The following NDOR1 variants were observed in gnomAD, a reference collection of about 807,000 sequenced individuals.
NDOR1 encodes the protein NADPH dependent diflavin oxidoreductase 1.
NDOR1 carries 61 observed loss-of-function variants against 67.2 expected under a neutral mutation model. That is an observed-to-expected ratio of 0.91 (90% CI 0.74 to 1.12). NDOR1 has a LOEUF of 1.12. Ranked by LOEUF, NDOR1 falls within the 50% of genes most tolerant of loss-of-function variation. NDOR1 has a pLI of 0.00. For missense variants in NDOR1, 878 were observed against 802.8 expected (o/e 1.09, Z -1.13); for synonymous variants, 378 against 343.7 (o/e 1.10, Z -1.10).
At position 137,215,722 on chromosome 9, in the gene NDOR1, C is replaced by T; in HGVS notation, c.1352C>T (p.Thr451Ile). 2 of 1,601,882 alleles carry T rather than the reference C, an allele frequency of 1.2e-6. No individual in the cohort carries two copies. The highest frequency in any genetic ancestry group is 2.2e-5 in the South Asian group (2 of 89,648). The change falls in exon 11 of 14, where the codon ACA (threonine) becomes ATA (isoleucine). Residue 451 changes from threonine to isoleucine, a missense_variant. By Grantham distance (89) the Thr-to-Ile change is moderately conservative. Transcript: ENST00000684003. ...CTGGCCTTCCCAGAGACACCAGACA[C>T]ACCTGTGATCATGGTGGGGCCTGGC... is the stretch of plus-strand genomic sequence containing the variant. The part of the protein sequence containing the change: ...GSLAFPETPD[T>I]PVIMVGPGTG...
rs1242531728 is a variant in NDOR1, at chr9:137,213,876, G to A, written c.408G>A (p.Leu136=). Residue 136 remains leucine, a splice_region_variant and synonymous_variant, in exon 4 of 14, where the codon CTG becomes CTA. Coordinates refer to ENST00000684003, the MANE Select transcript of NDOR1 (RefSeq NM_014434.4). ...GCCTGGGCGATGACCAGCATGAGCT[G>A]GGGTGAGTCTGCGGGCGTGGTACCC... ...PVCLGDDQHE[L]GPDAAVDPWL... is the part of the protein sequence containing the mutation. 1 of 1,609,896 alleles carries A rather than the reference G, an allele frequency of 6.2e-7. No individual in the cohort carries two copies. The highest frequency in any genetic ancestry group is 8.5e-7 in the Non-Finnish European group (1 of 1,178,584).
intron 13 of NDOR1, 25 bp from the exon 14 acceptor site, chr9:137,216,247 C>T (rs765008381): frequency 8.1e-6 from 13 of 1,612,812 alleles, no homozygotes; most frequent in South Asian, 2.2e-5. Context: ...GGCCTCATTG[C>T]GCCTTCTGCG....
intron 2 of NDOR1, among the ~76,000 whole-genome samples, chr9:137,210,622 C>T (rs978982087): frequency 3.9e-5 from 6 of 152,296 alleles, no homozygotes; most frequent in Non-Finnish European, 5.9e-5. Flanking sequence ...GTGGGAGGAT[C>T]GCTTGAGCCC....
Position 137,205,839 on chromosome 9 carries a change from C to T in NDOR1, c.62C>T (p.Ser21Leu), listed in dbSNP as rs1564390452. 6 of 1,604,734 alleles carry T rather than the reference C, an allele frequency of 3.7e-6. No homozygotes were observed. The highest frequency in any genetic ancestry group is 5.1e-6 in the Non-Finnish European group (6 of 1,179,402). ...CAGACAGGCACGGCTCAGGATGTGTCGGAGAGACTGGGTCGCGAGGCCCGG... is the reference window on the plus strand; with the variant it reads ...CAGACAGGCACGGCTCAGGATGTGTTGGAGAGACTGGGTCGCGAGGCCCGG... ...GSQTGTAQDV[S>L]ERLGREARRR... is the part of the protein sequence containing the mutation. Residue 21 changes from serine to leucine, a missense_variant, in exon 1 of 14, where the codon TCG becomes TTG. Coordinates refer to ENST00000684003, the MANE Select transcript of NDOR1 (RefSeq NM_014434.4).
In NDOR1 at chr9:137,209,025, C is replaced by T. The variant is rs569614676; in HGVS notation, c.213+2716C>T. Among the ~76,000 whole-genome samples the T allele has an allele frequency of 1.5e-3, 222 of 152,172 alleles. 1 individual carries two copies. Among genetic ancestry groups the T allele is most frequent in the African/African-American group, 5.2e-3 (215 of 41,554 alleles). The stretch of plus-strand genomic sequence containing the variant: ...CCTCCCAAGTAGATGGGACTACAGG[C>T]GCCGCCACCACGCCCAGCTAATTTT... On this transcript the variant is annotated intron_variant, in intron 2 of 13. Coordinates refer to ENST00000684003, the MANE Select transcript of NDOR1 (RefSeq NM_014434.4).
In NDOR1 at chr9:137,217,905, T is replaced by G. The variant is rs944400520; in HGVS notation, c.*1489T>G. On this transcript the variant is annotated 3_prime_UTR_variant, in exon 14 of 14. Transcript: ENST00000684003. ...CTGGGCCCTGAGTGCCTGGACCCTC[T>G]GTGCCAAGCACCAGCAAGCAAAGGG... 4.0e-5 allele frequency: 16 copies of G among 398,346 alleles called. No homozygotes were observed. Among genetic ancestry groups the G allele is most frequent in the African/African-American group, 3.3e-4 (16 of 48,678 alleles). The allele number at this position is 398,346 out of a possible 1,614,324, so 24.7% of individuals were successfully genotyped here.
At chr9:137,209,707 G>C (rs1835156531) in intron 2 of NDOR1, among the ~76,000 whole-genome samples, 1 of 152,206 alleles carries the variant, frequency 6.6e-6, no homozygotes, top group Non-Finnish European at 1.5e-5. Context: ...GGATGCTGTA[G>C]GTGAGGCAGG....
chr9:137,217,949 C>G lies in NDOR1; in HGVS notation c.*1533C>G. The G allele has an allele frequency of 2.5e-6, 1 of 398,684 alleles. No individual in the cohort carries two copies. The highest frequency in any genetic ancestry group is 1.3e-4 in the South Asian group (1 of 7,852). 24.7% of individuals were successfully genotyped at this position (398,684 alleles called of 1,614,324 possible). ...CAAAGGGGATGACCTTGGGCACCCC[C>G]AAGGTGCTGAGACTACAGCCAGTGA... On this transcript the variant is annotated 3_prime_UTR_variant, in exon 14 of 14. Transcript: ENST00000684003.
Position 137,212,592 on chromosome 9 carries a change from T to C in NDOR1, c.304T>C (p.Tyr102His), listed in dbSNP as rs550349376. ...FAVLGLGDSS[Y>H]AKFNFVAKKL... is the part of the protein sequence containing the mutation. Reference sequence around the variant, plus strand: ...CGTCCTGGGCCTCGGGGACTCCTCATACGCCAAGTGAGTAGGGGATGGGAC... The same window carrying C: ...CGTCCTGGGCCTCGGGGACTCCTCACACGCCAAGTGAGTAGGGGATGGGAC... The change falls in exon 3 of 14, where the codon TAC becomes CAC. Residue 102 changes from tyrosine to histidine, a missense_variant. Physicochemically the swap from Tyr to His is moderately conservative, Grantham distance 83. Coordinates refer to ENST00000684003, the MANE Select transcript of NDOR1 (RefSeq NM_014434.4). This position sits in a 1 kb window ranked among gnomAD's most constrained non-coding sequence, Gnocchi z 4.3. The C allele has an allele frequency of 9.9e-6, 16 of 1,613,254 alleles. No individual in the cohort carries two copies. Among genetic ancestry groups the C allele is most frequent in the Middle Eastern group, 1.7e-4 (1 of 6,060 alleles).
At position 137,216,396 on chromosome 9, in the gene NDOR1, C is replaced by T. The variant is rs886423449; in HGVS notation, c.1774C>T (p.Gln592Ter). ...CAGGCTCCAGCAGACACGGCGCTTC[C>T]AGACAGAGACGTGGGCCTGAGGCCC... Reference protein sequence around the residue: ...LARLQQTRRFQTETWA With the variant: ...LARLQQTRRF The change falls in exon 14 of 14, where the codon CAG (glutamine) becomes TAG (stop). Residue 592 changes from glutamine to a stop codon, truncating the protein, a stop_gained. Transcript: ENST00000684003. LOFTEE classifies it high-confidence loss of function. The T allele has an allele frequency of 2.5e-6, 4 of 1,605,130 alleles. No homozygotes were observed. The highest frequency in any genetic ancestry group is 1.7e-5 in the Admixed American group (1 of 59,998).
Position 137,214,291 on chromosome 9 carries a change from G to A in NDOR1, c.600G>A (p.Gln200=), listed in dbSNP as rs769390143. ...EGQRVAHPGS[Q]EPPSESKPFL... ...AGCGGGTAGCTCACCCCGGCTCTCA[G>A]GAGCCCCCGTCAGAGTCGAAGCCCT... Residue 200 remains glutamine (Q), a synonymous_variant, in exon 6 of 14, where the codon CAG becomes CAA. Coordinates refer to ENST00000684003, the MANE Select transcript of NDOR1 (RefSeq NM_014434.4). 60 of 1,613,840 alleles carry A rather than the reference G, an allele frequency of 3.7e-5. No homozygotes were observed. The highest frequency in any genetic ancestry group is 6.7e-5 in the African/African-American group (5 of 74,926).
In NDOR1 at chr9:137,212,177, G is replaced by T. The variant is rs1835292674; in HGVS notation, c.214-325G>T. The stretch of plus-strand genomic sequence containing the variant: ...CAGTTTGGAGACCAAGTGCAGAGCT[G>T]CTCCTGGCAGCTCAGAGCCTGGGGC... On this transcript the variant is annotated intron_variant, in intron 2 of 13. Transcript: ENST00000684003. The surrounding 1 kb of genome is among the most constrained non-coding windows in gnomAD (Gnocchi z 4.3). Among the ~76,000 whole-genome samples the T allele has an allele frequency of 6.6e-6, 1 of 152,060 alleles. No homozygotes were observed. Among genetic ancestry groups the T allele is most frequent in the Non-Finnish European group, 1.5e-5 (1 of 67,996 alleles).
At chr9:137,209,389 GGGAGA>G (rs1277467284) in intron 2 of NDOR1, among the ~76,000 whole-genome samples, 1 of 152,198 alleles carries the variant, frequency 6.6e-6, no homozygotes, top group Non-Finnish European at 1.5e-5. Flanking sequence ...CCCAGAGCAT[GGGAGA>G]GGAGAGGGAC....
chr9:137,216,505 C>CATCCTCTCGGACCAGCCAGCTG lies in NDOR1; in HGVS notation c.*90_*111dup, dbSNP rs1264417263. 1 of 1,490,560 alleles carries CATCCTCTCGGACCAGCCAGCTG rather than the reference C, an allele frequency of 6.7e-7. No homozygotes were observed. Among genetic ancestry groups the CATCCTCTCGGACCAGCCAGCTG allele is most frequent in the Non-Finnish European group, 8.9e-7 (1 of 1,119,600 alleles). 92.3% of individuals were successfully genotyped at this position (1,490,560 alleles called of 1,614,324 possible). ...GAGGGAGCTCCTGGCCAGCAGCCGT[C>CATCCTCTCGGACCAGCCAGCTG]ATCCTCTCGGACCAGCCAGCTGGTC... On this transcript the variant is annotated 3_prime_UTR_variant, in exon 14 of 14. Transcript: ENST00000684003.
chr9:137,213,857 G>A lies in NDOR1; in HGVS notation c.389G>A (p.Gly130Asp). The change falls in exon 4 of 14, where the codon GGC (glycine) becomes GAC (aspartate). Residue 130 changes from glycine (G) to aspartate (D), a missense_variant. Transcript: ENST00000684003. The stretch of plus-strand genomic sequence containing the variant: ...AGCGCCCTCCTGCCCGTGTGCCTGG[G>A]CGATGACCAGCATGAGCTGGGGTGA... Reference protein sequence around the residue: ...GGSALLPVCLGDDQHELGPDA... With the variant: ...GGSALLPVCLDDDQHELGPDA... 1 of 1,611,036 alleles carries A rather than the reference G, an allele frequency of 6.2e-7. No homozygotes were observed. Among genetic ancestry groups the A allele is most frequent in the African/African-American group, 1.3e-5 (1 of 74,922 alleles).
intron 9 of NDOR1, 47 bp from the exon 10 acceptor site, chr9:137,215,360 G>T (rs185530116): frequency 6.3e-7 from 1 of 1,593,380 alleles, no homozygotes; most frequent in East Asian, 2.2e-5. Context: ...CCAGGCACAG[G>T]TGAGGGCAGC....
chr9:137,214,039 G>A lies in NDOR1; in HGVS notation c.483G>A (p.Pro161=), dbSNP rs992531645. 35 of 1,544,574 alleles carry A rather than the reference G, an allele frequency of 2.3e-5. No individual in the cohort carries two copies. Among genetic ancestry groups the A allele is most frequent in the Non-Finnish European group, 2.7e-5 (31 of 1,147,984 alleles). Reference sequence around the variant, plus strand: ...TTCTGGGGCTGTACCCGCCGCCTCCGGGCCTCACTGAGATCCCTCCCGGAG... The same window carrying A: ...TTCTGGGGCTGTACCCGCCGCCTCCAGGCCTCACTGAGATCCCTCCCGGAG... ...DRVLGLYPPP[P]GLTEIPPGVP... Residue 161 remains proline, a synonymous_variant, in exon 5 of 14, where the codon CCG becomes CCA. Transcript: ENST00000684003.
Position 137,215,790 on chromosome 9 carries a change from G to T in NDOR1, c.1420G>T (p.Ala474Ser). ...CCGAGCAGCCATCCAGGAGCGTGTG[G>T]CCCAGGGCCAGACTGGTGAGCACCC... is the stretch of plus-strand genomic sequence containing the variant. ...PFRAAIQERVAQGQTGNFLFF... is the reference protein window; with the variant it reads ...PFRAAIQERVSQGQTGNFLFF... The change falls in exon 11 of 14, where the codon GCC becomes TCC. Residue 474 changes from alanine (A) to serine (S), a missense_variant. Coordinates refer to ENST00000684003, the MANE Select transcript of NDOR1 (RefSeq NM_014434.4). The T allele has an allele frequency of 6.3e-7, 1 of 1,596,590 alleles. No individual in the cohort carries two copies. The highest frequency in any genetic ancestry group is 1.1e-5 in the South Asian group (1 of 88,566).
chr9:137,207,808 G>A (rs368621064), intron 2 of NDOR1, among the ~76,000 whole-genome samples: 9 of 152,210 alleles, frequency 5.9e-5, no homozygotes, highest in African/African-American at 2.2e-4. Flanking sequence ...GATTACAGGA[G>A]ATCAGCAACT....
Sources: allele counts gnomAD v4.1 joint callset (sites outside exome capture counted in the v4.1 genomes callset), GRCh38; gene constraint gnomAD v4.1.1; non-coding constraint Gnocchi (gnomAD v3.1); transcripts MANE v1.5; gene names NCBI Gene and HGNC (gene_info 2026-07-23, HGNC 2026-07-21).